Variants in FXN observed in about 807,000 individuals in gnomAD.
FXN encodes frataxin.
In FXN, 14 loss-of-function variants were observed where a neutral mutation model predicts 22.4. The ratio of observed to expected loss-of-function variants is 0.62; its 90% CI spans 0.41 to 0.98. FXN has a LOEUF of 0.98. FXN is among the 50% of genes least tolerant of loss of function. FXN has a pLI of 0.00. For synonymous variants in FXN, 120 were observed against 114.1 expected, an observed-to-expected ratio of 1.05 and a Z score of -0.33; for missense variants, 267 against 268.4, an observed-to-expected ratio of 0.99 and a Z score of 0.04.
intron 4 of FXN, chr9:69,071,353 A>G (rs973988323): frequency 2.0e-6 from 1 of 511,802 alleles, no homozygotes; most frequent in East Asian, 5.5e-5. Flanking sequence ...TTTATTGCCC[A>G]AGCTTCCCTT....
intron 1 of FXN, among the ~76,000 whole-genome samples, chr9:69,044,119 C>T (rs956327620): frequency 1.3e-5 from 2 of 152,098 alleles, no homozygotes; most frequent in Non-Finnish European, 2.9e-5. Context: ...ATGTTGTGAC[C>T]AGCAGCTTAC....
chr9:69,045,425 G>A (rs1325824785), intron 1 of FXN, among the ~76,000 whole-genome samples: 1 of 151,946 alleles, frequency 6.6e-6, no homozygotes, highest in African/African-American at 2.4e-5. Flanking sequence ...GTGAAACCCC[G>A]TCTCTACTAA....
intron 2 of FXN, among the ~76,000 whole-genome samples, chr9:69,048,158 T>C (rs1049319088): frequency 1.3e-5 from 2 of 152,192 alleles, no homozygotes. Context: ...TCTCCTTGCA[T>C]GTCCCCATGC....
intron 1 of FXN, among the ~76,000 whole-genome samples, chr9:69,039,778 G>A (rs1831623818): frequency 6.6e-6 from 1 of 152,162 alleles, no homozygotes; most frequent in South Asian, 2.1e-4. Context: ...TCTGTTGCTT[G>A]TGACAGAATA....
At chr9:69,071,171 A>C (rs1832267633) in intron 4 of FXN, 2 of 518,908 alleles carry the variant, frequency 3.9e-6, no homozygotes, top group African/African-American at 1.9e-5. Flanking sequence ...TCTGCCTGGC[A>C]ACCCGATAGC....
At chr9:69,050,782 C>T (rs1037785844) in intron 2 of FXN, among the ~76,000 whole-genome samples, 7 of 106,924 alleles carry the variant, frequency 6.5e-5, no homozygotes, top group Non-Finnish European at 1.4e-4. Context: ...TCTTGGCCAA[C>T]TCTTTTTTTT....
intron 1 of FXN, among the ~76,000 whole-genome samples, chr9:69,044,878 A>G (rs1831719923): frequency 6.6e-6 from 1 of 152,246 alleles, no homozygotes; most frequent in South Asian, 2.1e-4. Flanking sequence ...AGATCATGAT[A>G]ATAAGATCTG....
At chr9:69,051,958 C>G (rs1831857489) in intron 2 of FXN, among the ~76,000 whole-genome samples, 1 of 152,152 alleles carries the variant, frequency 6.6e-6, no homozygotes, top group Admixed American at 6.5e-5. Flanking sequence ...AGAGATTATC[C>G]TGCCTCAGCC....
chr9:69,077,938 T>G lies in FXN; in HGVS notation c.*5176T>G. On this transcript the variant is annotated 3_prime_UTR_variant, in exon 5 of 5. Transcript: ENST00000484259. ...AGAGGGAAACTCCATTAAAAAAATG[T>G]AATTCCCGTGTCTGCCATCTTAAGT... is the stretch of plus-strand genomic sequence containing the variant. The G allele has an allele frequency of 1.0e-6, 1 of 982,248 alleles. No individual in the cohort carries two copies. Among genetic ancestry groups the G allele is most frequent in the Non-Finnish European group, 1.2e-6 (1 of 827,122 alleles). The allele number at this position is 982,248 out of a possible 1,614,324, so 60.8% of individuals were successfully genotyped here. A position where few individuals can be genotyped will look rare whatever the true frequency, so the allele number is the denominator to read the frequency against.
chr9:69,040,983 GA>G (rs1831647854), intron 1 of FXN, among the ~76,000 whole-genome samples: 1 of 152,158 alleles, frequency 6.6e-6, no homozygotes, highest in African/African-American at 2.4e-5. Context: ...AGGACTCTAA[GA>G]AACACATTTC....
Position 69,035,825 on chromosome 9 carries a change from T to G in FXN, c.43T>G (p.Ser15Ala). The G allele has an allele frequency of 6.6e-7, 1 of 1,512,562 alleles. No homozygotes were observed. The highest frequency in any genetic ancestry group is 8.8e-7 in the Non-Finnish European group (1 of 1,137,338). The allele number at this position is 1,512,562 out of a possible 1,614,324, so 93.7% of individuals were successfully genotyped here. A position where few individuals can be genotyped will look rare whatever the true frequency, so the allele number is the denominator to read the frequency against. Residue 15 changes from serine to alanine, a missense_variant, in exon 1 of 5, where the codon TCA becomes GCA. Coordinates refer to ENST00000484259, the MANE Select transcript of FXN (RefSeq NM_000144.5). Reference sequence around the variant, plus strand: ...CCGCGCAGTAGCCGGCCTCCTGGCGTCACCCAGCCCAGCCCAGGCCCAGAC... The same window carrying G: ...CCGCGCAGTAGCCGGCCTCCTGGCGGCACCCAGCCCAGCCCAGGCCCAGAC... ...GRRAVAGLLA[S>A]PSPAQAQTLT...
Position 69,076,483 on chromosome 9 carries a change from A to G in FXN, c.*3721A>G. 2 of 985,428 alleles carry G rather than the reference A, an allele frequency of 2.0e-6. No individual in the cohort carries two copies. The highest frequency in any genetic ancestry group is 2.4e-6 in the Non-Finnish European group (2 of 829,906). 61.0% of individuals were successfully genotyped at this position (985,428 alleles called of 1,614,324 possible). On this transcript the variant is annotated 3_prime_UTR_variant, in exon 5 of 5. Transcript: ENST00000484259. ...CCTGGAACCATTTATCGTGTGCCTT[A>G]CCATGCTTATATTTTACTTGATCTT... is the stretch of plus-strand genomic sequence containing the variant.
intron 3 of FXN, among the ~76,000 whole-genome samples, chr9:69,062,563 TAAA>T (rs1489831636): frequency 5.3e-5 from 8 of 152,116 alleles, no homozygotes; most frequent in African/African-American, 1.9e-4. Context: ...AGTCAACTCA[TAAA>T]AGGACAAATA....
intron 1 of FXN, among the ~76,000 whole-genome samples, chr9:69,042,878 GCA>G (rs1193555125): frequency 6.6e-6 from 1 of 152,162 alleles, no homozygotes; most frequent in African/African-American, 2.4e-5. Context: ...CTTCCACTGT[GCA>G]CAGACTCTGG....
intron 3 of FXN, among the ~76,000 whole-genome samples, chr9:69,058,114 C>T (rs3793455): frequency 0.073 from 11,172 of 152,252 alleles, 584 homozygotes; most frequent in African/African-American, 0.14. Flanking sequence ...CAGATACACC[C>T]AAGAGGACAT....
chr9:69,059,391 CTTT>C (rs35159671), intron 3 of FXN, among the ~76,000 whole-genome samples: 2 of 62,994 alleles, frequency 3.2e-5, no homozygotes, highest in African/African-American at 6.8e-5. Flanking sequence ...GAGGCAGCAT[CTTT>C]TTTTTTTTTT....
Position 69,077,868 on chromosome 9 carries a change from T to G in FXN, c.*5106T>G, listed in dbSNP as rs1832398626. 2.4e-6 allele frequency: 2 copies of G among 821,026 alleles called. No homozygotes were observed. Among genetic ancestry groups the G allele is most frequent in the African/African-American group, 3.7e-5 (2 of 53,636 alleles). 50.9% of individuals were successfully genotyped at this position (821,026 alleles called of 1,614,324 possible). ...TTGCTTGAACCTGGGTGGTGGAGGTTGCAGTGAGCCGAGATTACACCACTG... is the reference window on the plus strand; with the variant it reads ...TTGCTTGAACCTGGGTGGTGGAGGTGGCAGTGAGCCGAGATTACACCACTG... On this transcript the variant is annotated 3_prime_UTR_variant, in exon 5 of 5. Coordinates refer to ENST00000484259, the MANE Select transcript of FXN (RefSeq NM_000144.5).
At chr9:69,058,925 G>C (rs781124063) in intron 3 of FXN, among the ~76,000 whole-genome samples, 1 of 152,034 alleles carries the variant, frequency 6.6e-6, no homozygotes, top group African/African-American at 2.4e-5. Context: ...AAACTTAGCC[G>C]GGCGTGGTGG....
chr9:69,075,191 C>T lies in FXN; in HGVS notation c.*2429C>T. 3 of 983,618 alleles carry T rather than the reference C, an allele frequency of 3.0e-6. No homozygotes were observed. Among genetic ancestry groups the T allele is most frequent in the Non-Finnish European group, 3.6e-6 (3 of 828,280 alleles). 60.9% of individuals were successfully genotyped at this position (983,618 alleles called of 1,614,324 possible). On this transcript the variant is annotated 3_prime_UTR_variant, in exon 5 of 5. Transcript: ENST00000484259. ...AAAGAAAAGGGGCCTGGCACAGTGG[C>T]TCATGCCTGTAATCCCAGCACTTTG...
Sources: gnomAD v4.1 joint callset for allele counts (sites outside exome capture counted in the v4.1 genomes callset) on GRCh38, gnomAD v4.1.1 for gene constraint, MANE v1.5 for transcripts, NCBI Gene and HGNC (gene_info 2026-07-23, HGNC 2026-07-21) for gene names.